The following SOS1 variants were observed in gnomAD, a reference collection of about 807,000 sequenced individuals.
SOS1 encodes the protein son of sevenless homolog 1.
Under a neutral mutation model 157.6 loss-of-function variants are expected in SOS1, and 25 were observed. The ratio of observed to expected loss-of-function variants is 0.16; its 90% CI spans 0.12 to 0.22. SOS1 has a LOEUF of 0.22. SOS1 is among the 10% of genes least tolerant of loss of function. SOS1 has a pLI of 1.00. For synonymous variants in SOS1, 528 were observed against 534.0 expected (o/e 0.99, Z 0.16); for missense variants, 1,237 against 1,599.1 (o/e 0.77, Z 3.86).
At chr2:39,007,273 ATAATG>A in intron 15 of SOS1, 80 bp from the exon 16 acceptor site, 1 of 943,192 alleles carries the variant, frequency 1.1e-6, no homozygotes, top group Non-Finnish European at 1.7e-6. Context: ...AGTAAATAAA[ATAATG>A]TAGAGAGTAG....
chr2:39,043,385 C>G (rs1295643862), intron 6 of SOS1, among the ~76,000 whole-genome samples: 1 of 152,090 alleles, frequency 6.6e-6, no homozygotes, highest in Non-Finnish European at 1.5e-5. Flanking sequence ...GAGAATGTCT[C>G]ATAGTTTTTT....
rs763520126 is a variant in SOS1, at chr2:39,067,679, T to G, written c.162A>C (p.Gln54His). The change falls in exon 2 of 23, where the codon CAA becomes CAC. Residue 54 changes from glutamine (Q) to histidine (H), a missense_variant. This residue lies in a region of SOS1 where 99 missense variants were observed against 81.6 expected (regional missense o/e 1.21). Transcript: ENST00000402219. ...GAGCTTGGCATAGCATATTTAATAA[T>G]TGCAAAATTAATTCTTCAACATACT... ...ALQYVEELIL[Q>H]LLNMLCQAQP... 6.2e-7 allele frequency: 1 copy of G among 1,613,060 alleles called. No homozygotes were observed. The highest frequency in any genetic ancestry group is 8.5e-7 in the Non-Finnish European group (1 of 1,179,066).
chr2:39,050,080 T>A (rs1007757323), intron 6 of SOS1, among the ~76,000 whole-genome samples: 1 of 152,224 alleles, frequency 6.6e-6, no homozygotes, highest in African/African-American at 2.4e-5. Context: ...TTATTACTTA[T>A]GTGTGTTTGG....
intron 6 of SOS1, among the ~76,000 whole-genome samples, chr2:39,045,253 A>AGG (rs1349175910): frequency 3.3e-5 from 4 of 121,050 alleles, no homozygotes; most frequent in African/African-American, 6.0e-5. Context: ...GGAGAGAGAG[A>AGG]GAGAGAGAGA....
At chr2:38,998,046 C>G (rs986521384) in intron 17 of SOS1, among the ~76,000 whole-genome samples, 1 of 152,116 alleles carries the variant, frequency 6.6e-6, no homozygotes, top group Non-Finnish European at 1.5e-5. Context: ...GGACTGCATA[C>G]GATTTATGTA....
chr2:39,045,290 G>T lies in SOS1; in HGVS notation c.864+5854C>A, dbSNP rs1376638469. 2.0e-5 allele frequency among the ~76,000 whole-genome samples: 3 copies of T among 151,762 alleles called. No homozygotes were observed. The East Asian group carries it at 5.8e-4, about 30-fold the overall frequency. On this transcript the variant is annotated intron_variant, in intron 6 of 22. Transcript: ENST00000402219. Reference sequence around the variant, plus strand: ...AGAGAGAGAGTGTGTGTGTGTGTGTGTGTGTGTGTGTGTAAAATCAAATGT... The same window carrying T: ...AGAGAGAGAGTGTGTGTGTGTGTGTTTGTGTGTGTGTGTAAAATCAAATGT...
chr2:39,120,426 G>GC lies in SOS1; in HGVS notation c.-5dup. 2 of 1,583,012 alleles carry GC rather than the reference G, an allele frequency of 1.3e-6. No individual in the cohort carries two copies. The highest frequency in any genetic ancestry group is 1.1e-5 in the South Asian group (1 of 88,136). On this transcript the variant is annotated 5_prime_UTR_variant, in exon 1 of 23. Transcript: ENST00000402219. ...AGGGCAGCTGCTGCGCCTGCATGGTGCCCCCGGGGCGCCTCTGGGCGGGGA... is the reference window on the plus strand; with the variant it reads ...AGGGCAGCTGCTGCGCCTGCATGGTGCCCCCCGGGGCGCCTCTGGGCGGGGA...
chr2:39,001,679 C>G (rs1440416007), intron 17 of SOS1, among the ~76,000 whole-genome samples: 1 of 152,142 alleles, frequency 6.6e-6, no homozygotes, highest in Admixed American at 6.5e-5. Context: ...AATTCAGAAG[C>G]AGCAATAACA....
chr2:38,986,048 G>C lies in SOS1; in HGVS notation c.3778C>G (p.Pro1260Ala), dbSNP rs779336305. The C allele has an allele frequency of 8.7e-6, 14 of 1,613,990 alleles. No homozygotes were observed. The highest frequency in any genetic ancestry group is 1.2e-5 in the Non-Finnish European group (14 of 1,179,918). ...PNSPSPFTPP[P>A]PQTPSPHGTR... Reference sequence around the variant, plus strand: ...CCGTGAGGAGAAGGTGTTTGAGGAGGAGGTGGTGTAAAGGGGGAAGGGCTG... The same window carrying C: ...CCGTGAGGAGAAGGTGTTTGAGGAGCAGGTGGTGTAAAGGGGGAAGGGCTG... The change falls in exon 23 of 23, where the codon CCT becomes GCT. Residue 1260 changes from proline (P) to alanine (A), a missense_variant. Around this residue, in one of 15 missense-constraint regions of SOS1, gnomAD observed 306 missense variants for 322.6 expected, o/e 0.95. Transcript: ENST00000402219.
intron 2 of SOS1, among the ~76,000 whole-genome samples, chr2:39,065,090 A>G (rs1671550212): frequency 6.6e-6 from 1 of 151,822 alleles, no homozygotes; most frequent in Admixed American, 6.6e-5. Flanking sequence ...GACCCTCAAA[A>G]CTTAAGAAAA....
rs986737288 is a variant in SOS1, at chr2:38,982,431, T to C, written c.*3393A>G. 3 of 152,184 alleles carry C rather than the reference T, an allele frequency of 2.0e-5. No homozygotes were observed. Among genetic ancestry groups the C allele is most frequent in the African/African-American group, 7.2e-5 (3 of 41,444 alleles). 9.4% of individuals were successfully genotyped at this position (152,184 alleles called of 1,614,324 possible). A position where few individuals can be genotyped will look rare whatever the true frequency, so the allele number is the denominator to read the frequency against. ...TGAATAAAGTCATCATGTTCCCTTATAAATAACTTTACTGCATAATTCTTT... is the reference window on the plus strand; with the variant it reads ...TGAATAAAGTCATCATGTTCCCTTACAAATAACTTTACTGCATAATTCTTT... On this transcript the variant is annotated 3_prime_UTR_variant, in exon 23 of 23. Coordinates refer to ENST00000402219, the MANE Select transcript of SOS1 (RefSeq NM_005633.4).
At chr2:39,011,372 C>A (rs1669465475) in intron 14 of SOS1, among the ~76,000 whole-genome samples, 1 of 151,806 alleles carries the variant, frequency 6.6e-6, no homozygotes, top group Admixed American at 6.6e-5. Flanking sequence ...GTAATGATAT[C>A]TGTTATAATC....
chr2:39,017,455 G>A (rs1389598332), intron 10 of SOS1, among the ~76,000 whole-genome samples: 1 of 151,938 alleles, frequency 6.6e-6, no homozygotes, highest in Non-Finnish European at 1.5e-5. Flanking sequence ...TAGATTTTAG[G>A]AATTAACAGC....
At chr2:39,029,054 A>G (rs1670069638) in intron 8 of SOS1, among the ~76,000 whole-genome samples, 1 of 152,200 alleles carries the variant, frequency 6.6e-6, no homozygotes, top group Non-Finnish European at 1.5e-5. Flanking sequence ...CCATGACATC[A>G]TTTTAAACAT....
At chr2:39,046,522 T>TTTTTTTTTTTTTTG in intron 6 of SOS1, among the ~76,000 whole-genome samples, 1 of 90,134 alleles carries the variant, frequency 1.1e-5, no homozygotes, top group African/African-American at 4.7e-5. Context: ...TTTTTTTTTT[T>TTTTTTTTTTTTTTG]GAGACGGAGT....
In SOS1 at chr2:38,987,589, A is replaced by C; in HGVS notation, c.3394T>G (p.Ser1132Ala). ...AAACTTATAGATGATACAGAAGCAG[A>C]TCCTGTGGGATGTTAAATTTTTAAG... Reference protein sequence around the residue: ...IQVTLPHGPRSASVSSISLTK... With the variant: ...IQVTLPHGPRAASVSSISLTK... The change falls in exon 22 of 23, where the codon TCT (serine) becomes GCT (alanine). Residue 1132 changes from serine (S) to alanine (A), a missense_variant and splice_region_variant. Coordinates refer to ENST00000402219, the MANE Select transcript of SOS1 (RefSeq NM_005633.4). 7.1e-7 allele frequency: 1 copy of C among 1,408,496 alleles called. No individual in the cohort carries two copies. Among genetic ancestry groups the C allele is most frequent in the Non-Finnish European group, 1.0e-6 (1 of 994,746 alleles). The allele number at this position is 1,408,496 out of a possible 1,614,324, so 87.2% of individuals were successfully genotyped here.
At chr2:39,006,354 G>A (rs945606906) in intron 17 of SOS1, 58 bp downstream of exon 17, 2 of 854,080 alleles carry the variant, frequency 2.3e-6, no homozygotes, top group African/African-American at 3.3e-5. Flanking sequence ...GTCATTTAAT[G>A]AAATGAGTGT....
rs181531797 is a variant in SOS1 at position 39,114,851 on chromosome 2, G to A, written c.87+5485C>T. On this transcript the variant is annotated intron_variant, in intron 1 of 22. Coordinates refer to ENST00000402219, the MANE Select transcript of SOS1 (RefSeq NM_005633.4). ...GACCACAGGTGATCCACCTGCCTTG[G>A]CCTCCCAACATGCTAGGATTACAGG... 8.5e-5 allele frequency among the ~76,000 whole-genome samples: 13 copies of A among 152,222 alleles called. No homozygotes were observed. The South Asian group carries it at 1.9e-3, about 22-fold the overall frequency.
intron 2 of SOS1, among the ~76,000 whole-genome samples, chr2:39,060,721 G>A (rs911151249): frequency 5.9e-5 from 9 of 152,068 alleles, no homozygotes; most frequent in South Asian, 2.1e-4. Flanking sequence ...CACTGTGCCC[G>A]GCCTGTTTTA....
Sources: allele counts gnomAD v4.1 joint callset (sites outside exome capture counted in the v4.1 genomes callset), GRCh38; gene constraint gnomAD v4.1.1; regional missense constraint gnomAD v4.1.1; transcripts MANE v1.5; gene names NCBI Gene and HGNC (gene_info 2026-07-23, HGNC 2026-07-21).